PTPRR: variants seen among roughly 807,000 people sequenced by gnomAD.
PTPRR encodes the protein receptor-type tyrosine-protein phosphatase R.
A neutral mutation model predicts 77.2 loss-of-function variants in PTPRR; 38 were observed. The ratio of observed to expected loss-of-function variants is 0.49; its 90% CI spans 0.38 to 0.65. The LOEUF is 0.65. Among genes scored for constraint, PTPRR ranks in the 30% least tolerant of loss-of-function variants. PTPRR has a pLI of 0.00. For synonymous variants in PTPRR, 299 were observed against 283.1 expected (o/e 1.06, Z -0.57); for missense variants, 744 against 799.2 (o/e 0.93, Z 0.83).
intron 6 of PTPRR, among the ~76,000 whole-genome samples, chr12:70,742,704 A>C (rs1465234943): frequency 6.6e-6 from 1 of 151,088 alleles, no homozygotes; most frequent in African/African-American, 2.4e-5. Flanking sequence ...AAAAAAACAG[A>C]ATTCGAGGTG....
At chr12:70,694,876 GATT>G (rs1489905610) in intron 8 of PTPRR, among the ~76,000 whole-genome samples, 2 of 151,990 alleles carry the variant, frequency 1.3e-5, no homozygotes, top group African/African-American at 4.8e-5. Flanking sequence ...ATTGATGTAT[GATT>G]ATTATTACAG....
chr12:70,789,574 C>A (rs1255512352), intron 2 of PTPRR, among the ~76,000 whole-genome samples: 1 of 151,784 alleles, frequency 6.6e-6, no homozygotes, highest in African/African-American at 2.4e-5. Flanking sequence ...TATGATTGAA[C>A]CCTGAGGGAT....
chr12:70,774,670 TA>T (rs929806098), intron 2 of PTPRR, among the ~76,000 whole-genome samples: 5 of 152,106 alleles, frequency 3.3e-5, no homozygotes, highest in African/African-American at 1.2e-4. Flanking sequence ...CTCTTCCCCA[TA>T]AAAATAGTGA....
At chr12:70,746,307 T>C (rs1356613275) in intron 5 of PTPRR, among the ~76,000 whole-genome samples, 2 of 152,176 alleles carry the variant, frequency 1.3e-5, no homozygotes, top group East Asian at 3.8e-4. Context: ...ATCAAATAAT[T>C]GTGCACATGA....
At chr12:70,864,406 G>C (rs1019410380) in intron 2 of PTPRR, among the ~76,000 whole-genome samples, 5 of 152,180 alleles carry the variant, frequency 3.3e-5, no homozygotes, top group African/African-American at 7.2e-5. Flanking sequence ...TCAGAAGAGA[G>C]GGTCACATGA....
chr12:70,826,887 A>G (rs1182159895), intron 2 of PTPRR, among the ~76,000 whole-genome samples: 1 of 152,092 alleles, frequency 6.6e-6, no homozygotes, highest in African/African-American at 2.4e-5. Flanking sequence ...ACTGCCTCCC[A>G]GTGACACTGG....
intron 2 of PTPRR, among the ~76,000 whole-genome samples, chr12:70,885,503 C>T (rs1427383692): frequency 1.3e-5 from 2 of 150,462 alleles, no homozygotes; most frequent in African/African-American, 4.9e-5. Flanking sequence ...ATAGAGAGAG[C>T]AAGATTACCT....
intron 6 of PTPRR, among the ~76,000 whole-genome samples, chr12:70,704,567 A>G (rs1888549490): frequency 6.6e-6 from 1 of 152,124 alleles, no homozygotes; most frequent in Non-Finnish European, 1.5e-5. Flanking sequence ...AGCCTTTGAC[A>G]TCCCGTGTCT....
At chr12:70,795,291 C>G (rs1170824326) in intron 2 of PTPRR, among the ~76,000 whole-genome samples, 2 of 152,082 alleles carry the variant, frequency 1.3e-5, no homozygotes, top group African/African-American at 4.8e-5. Flanking sequence ...GACATTCTTT[C>G]TAAATATAAC....
intron 2 of PTPRR, among the ~76,000 whole-genome samples, chr12:70,843,643 T>C (rs547490264): frequency 6.6e-6 from 1 of 152,240 alleles, no homozygotes; most frequent in Admixed American, 6.5e-5. Flanking sequence ...AGTCAGTAGA[T>C]GTTTCCAAAC....
chr12:70,802,477 A>G (rs1486851403), intron 2 of PTPRR, among the ~76,000 whole-genome samples: 1 of 152,246 alleles, frequency 6.6e-6, no homozygotes, highest in African/African-American at 2.4e-5. Flanking sequence ...AATAATGGCA[A>G]TGACAGGGCA....
At chr12:70,817,637 A>G (rs927736938) in intron 2 of PTPRR, among the ~76,000 whole-genome samples, 5 of 152,322 alleles carry the variant, frequency 3.3e-5, no homozygotes, top group East Asian at 3.9e-4. Context: ...AAAGATTGAG[A>G]GTGATTCCAA....
At chr12:70,641,690 A>G (rs1483467197) in intron 13 of PTPRR, among the ~76,000 whole-genome samples, 1 of 152,204 alleles carries the variant, frequency 6.6e-6, no homozygotes, top group African/African-American at 2.4e-5. Context: ...ATTCTTAGAG[A>G]TCATCCATTC....
At chr12:70,785,248 G>T (rs1891297731) in intron 2 of PTPRR, among the ~76,000 whole-genome samples, 1 of 151,918 alleles carries the variant, frequency 6.6e-6, no homozygotes, top group Non-Finnish European at 1.5e-5. Flanking sequence ...TATTAATATT[G>T]AAACAAAGCC....
chr12:70,834,214 A>G (rs1892263798), intron 2 of PTPRR, among the ~76,000 whole-genome samples: 1 of 152,170 alleles, frequency 6.6e-6, no homozygotes, highest in Admixed American at 6.6e-5. Flanking sequence ...TTGCTTATGT[A>G]ATCTTTAAAA....
intron 5 of PTPRR, among the ~76,000 whole-genome samples, chr12:70,747,331 T>C (rs1302439744): frequency 6.6e-6 from 1 of 152,202 alleles, no homozygotes; most frequent in Non-Finnish European, 1.5e-5. Context: ...ATTGTTTTAG[T>C]TGCAAGAAAG....
At chr12:70,639,625 G>T in intron 13 of PTPRR, 1 of 524,696 alleles carries the variant, frequency 1.9e-6, no homozygotes, top group Non-Finnish European at 2.5e-6. Flanking sequence ...TTAGCTGTAT[G>T]CATCTTGGAC....
At chr12:70,893,989 T>C (rs554271351) in intron 1 of PTPRR, among the ~76,000 whole-genome samples, 63 of 151,848 alleles carry the variant, frequency 4.1e-4, no homozygotes, top group Non-Finnish European at 7.5e-4. Flanking sequence ...TGTTTGCTAC[T>C]GGCCACAGGA....
chr12:70,683,593 C>T (rs1887753179), intron 10 of PTPRR, among the ~76,000 whole-genome samples: 1 of 152,162 alleles, frequency 6.6e-6, no homozygotes, highest in Admixed American at 6.5e-5. Flanking sequence ...TCCTTACTGC[C>T]TGGTATACCC....
Sources: allele counts gnomAD v4.1 joint callset (sites outside exome capture counted in the v4.1 genomes callset), GRCh38; gene constraint gnomAD v4.1.1; transcripts MANE v1.5; gene names NCBI Gene and HGNC (gene_info 2026-07-23, HGNC 2026-07-21).